MAP3K19: variants seen among roughly 807,000 people sequenced by gnomAD.
MAP3K19 encodes mitogen-activated protein kinase kinase kinase 19.
Under a neutral mutation model 114.4 loss-of-function variants are expected in MAP3K19, and 91 were observed. That is an observed-to-expected ratio of 0.80 (90% CI 0.67 to 0.95). MAP3K19 has a LOEUF of 0.95. Ranked by LOEUF, MAP3K19 falls within the 40% of genes least tolerant of loss-of-function variation. MAP3K19 has a pLI of 0.00. For missense variants in MAP3K19, 1,471 were observed against 1,573.2 expected (o/e 0.94, Z 1.10); for synonymous variants, 518 against 530.5 (o/e 0.98, Z 0.32).
chr2:135,036,977 G>A (rs978935168), intron 2 of MAP3K19, among the ~76,000 whole-genome samples: 3 of 150,272 alleles, frequency 2.0e-5, no homozygotes, highest in African/African-American at 7.5e-5. Flanking sequence ...TAGAGGCAGT[G>A]AGGATAAACC....
At position 134,987,616 on chromosome 2, in the gene MAP3K19, C is replaced by A. The variant is rs1559153581; in HGVS notation, c.1256G>T (p.Arg419Ile). 2 of 1,613,918 alleles carry A rather than the reference C, an allele frequency of 1.2e-6. No individual in the cohort carries two copies. Among genetic ancestry groups the A allele is most frequent in the African/African-American group, 2.7e-5 (2 of 74,874 alleles). Reference sequence around the variant, plus strand: ...TGCTTCATTTTTATGTAATGAAACTCTTTTTGAAGCAGCTTTATTATTTCT... The same window carrying A: ...TGCTTCATTTTTATGTAATGAAACTATTTTTGAAGCAGCTTTATTATTTCT... ...EMRNNKAASK[R>I]VSLHKNEAME... is the part of the protein sequence containing the mutation. The change falls in exon 10 of 13, where the codon AGA becomes ATA. Residue 419 changes from arginine (R) to isoleucine (I), a missense_variant. Coordinates refer to ENST00000392915, the MANE Select transcript of MAP3K19 (RefSeq NM_025052.5).
chr2:134,981,544 T>C (rs1372832595), intron 11 of MAP3K19, 26 bp from the exon 12 acceptor site: 1 of 1,516,052 alleles, frequency 6.6e-7, no homozygotes, highest in African/African-American at 1.4e-5. Context: ...TAATACCTTG[T>C]TATTAAATTA....
At chr2:134,966,753 T>A (rs1165135704) in intron 12 of MAP3K19, among the ~76,000 whole-genome samples, 10 of 152,150 alleles carry the variant, frequency 6.6e-5, no homozygotes, top group Non-Finnish European at 1.2e-4. Flanking sequence ...ATCTCCTGTA[T>A]CAGGAGGCTC....
In MAP3K19 at chr2:134,964,569, A is replaced by G. The variant is rs549796145; in HGVS notation, c.*281T>C. ...AAAAATAAAAAGAAATGTCATATAA[A>G]ACAATAGAGAATGTAGTTCCTGGAC... On this transcript the variant is annotated 3_prime_UTR_variant, in exon 13 of 13. Coordinates refer to ENST00000392915, the MANE Select transcript of MAP3K19 (RefSeq NM_025052.5). 2.5e-4 allele frequency: 60 copies of G among 235,360 alleles called. No homozygotes were observed. Among genetic ancestry groups the G allele is most frequent in the Middle Eastern group, 1.4e-3 (1 of 712 alleles). 14.6% of individuals were successfully genotyped at this position (235,360 alleles called of 1,614,324 possible).
In MAP3K19 at chr2:134,980,821, C is replaced by CTGA; in HGVS notation, c.3919_3920insTCA (p.Thr1306_Arg1307insIle). The CTGA allele has an allele frequency of 6.2e-7, 1 of 1,606,308 alleles. No homozygotes were observed. Among genetic ancestry groups the CTGA allele is most frequent in the Non-Finnish European group, 8.5e-7 (1 of 1,173,436 alleles). The stretch of plus-strand genomic sequence containing the variant: ...CCTCCTCTTGCTTTCAGTTTCTTAC[C>CTGA]TGGTCAGGCACATGCGCACAAAGTC... On this transcript the variant is annotated inframe_insertion and splice_region_variant, in exon 12 of 13. Transcript: ENST00000392915.
intron 2 of MAP3K19, among the ~76,000 whole-genome samples, chr2:135,038,315 G>C (rs1688576785): frequency 6.6e-6 from 1 of 151,690 alleles, no homozygotes; most frequent in Admixed American, 6.6e-5. Flanking sequence ...ATGTATGTAT[G>C]TATATATGTA....
intron 11 of MAP3K19, 148 bp from the exon 12 acceptor site, chr2:134,981,666 A>G: frequency 1.5e-6 from 1 of 653,408 alleles, no homozygotes; most frequent in Non-Finnish European, 2.6e-6. Flanking sequence ...CAAAGTGTTT[A>G]AGCAAATTCA....
At chr2:135,037,146 G>A (rs777187134) in intron 2 of MAP3K19, among the ~76,000 whole-genome samples, 5 of 152,122 alleles carry the variant, frequency 3.3e-5, no homozygotes, top group Admixed American at 6.5e-5. Context: ...ACAGGAACCC[G>A]CCATCATGCC....
chr2:135,021,985 T>G (rs1331887172), intron 4 of MAP3K19, among the ~76,000 whole-genome samples, 155 bp from the exon 5 acceptor site: 1 of 152,218 alleles, frequency 6.6e-6, no homozygotes, highest in Non-Finnish European at 1.5e-5. Flanking sequence ...AGCACTAATT[T>G]TCACAAGAAG....
intron 3 of MAP3K19, among the ~76,000 whole-genome samples, chr2:135,028,942 T>C (rs1157654886): frequency 1.3e-5 from 2 of 152,148 alleles, no homozygotes; most frequent in East Asian, 1.9e-4. Context: ...AGAACCAATA[T>C]GAAAATTTTG....
intron 6 of MAP3K19, among the ~76,000 whole-genome samples, chr2:135,005,051 C>A (rs1385578000): frequency 1.3e-5 from 2 of 152,300 alleles, no homozygotes; most frequent in East Asian, 3.9e-4. Flanking sequence ...GCTGCCTAGA[C>A]CCACTGATTC....
chr2:134,982,110 T>G (rs889470961), intron 11 of MAP3K19, among the ~76,000 whole-genome samples: 1 of 135,868 alleles, frequency 7.4e-6, no homozygotes, highest in Non-Finnish European at 1.6e-5. Context: ...TACCTTTTTC[T>G]TTCTTTTTTT....
At chr2:134,970,191 T>A (rs576253573) in intron 12 of MAP3K19, among the ~76,000 whole-genome samples, 2 of 152,218 alleles carry the variant, frequency 1.3e-5, no homozygotes, top group African/African-American at 4.8e-5. Context: ...TATTTTTGCA[T>A]TGAATCCATA....
In MAP3K19 at chr2:134,999,878, A is replaced by G. The variant is rs1573987509; in HGVS notation, c.314+59T>C. ...AATTACTAATAATGTAGGTTGCCAT[A>G]TGACTATCATTGCTTCATACTTCAT... On this transcript the variant is annotated intron_variant, in intron 7 of 12. Coordinates refer to ENST00000392915, the MANE Select transcript of MAP3K19 (RefSeq NM_025052.5). The surrounding 1 kb of genome is among the most constrained non-coding windows in gnomAD (Gnocchi z 4.1). The G allele has an allele frequency of 9.0e-7, 1 of 1,105,174 alleles. No individual in the cohort carries two copies. Among genetic ancestry groups the G allele is most frequent in the East Asian group, 2.4e-5 (1 of 42,510 alleles). 68.5% of individuals were successfully genotyped at this position (1,105,174 alleles called of 1,614,324 possible).
chr2:135,037,945 T>C (rs1431823807), intron 2 of MAP3K19, among the ~76,000 whole-genome samples: 1 of 152,174 alleles, frequency 6.6e-6, no homozygotes, highest in Non-Finnish European at 1.5e-5. Context: ...AGTTGTTTCT[T>C]CTGCTAGGAA....
At chr2:134,997,582 A>C (rs1161587284) in intron 8 of MAP3K19, among the ~76,000 whole-genome samples, 1 of 152,180 alleles carries the variant, frequency 6.6e-6, no homozygotes, top group African/African-American at 2.4e-5. Flanking sequence ...GCACTGTGGG[A>C]GGCCAAGGTG....
intron 8 of MAP3K19, among the ~76,000 whole-genome samples, chr2:134,992,349 G>A (rs368043695): frequency 3.6e-4 from 55 of 152,270 alleles, no homozygotes; most frequent in African/African-American, 1.3e-3. Flanking sequence ...CCTAGGGAAC[G>A]AGATGGGACT....
intron 9 of MAP3K19, among the ~76,000 whole-genome samples, chr2:134,988,964 CCA>C (rs748893583): frequency 3.3e-5 from 5 of 152,146 alleles, no homozygotes; most frequent in Non-Finnish European, 7.4e-5. Context: ...TCAAAAATTA[CCA>C]GTTATTGACT....
chr2:135,013,275 G>A (rs1407662075), intron 5 of MAP3K19, among the ~76,000 whole-genome samples: 1 of 150,972 alleles, frequency 6.6e-6, no homozygotes, highest in Non-Finnish European at 1.5e-5. Flanking sequence ...AGCCAAGATC[G>A]CGCTCCAGCC....
Sources: allele counts gnomAD v4.1 joint callset (sites outside exome capture counted in the v4.1 genomes callset), GRCh38; gene constraint gnomAD v4.1.1; non-coding constraint Gnocchi (gnomAD v3.1); transcripts MANE v1.5; gene names NCBI Gene and HGNC (gene_info 2026-07-23, HGNC 2026-07-21).